ADARB2: variants seen among roughly 807,000 people sequenced by gnomAD.
ADARB2 encodes the protein inactive double-stranded RNA-specific editase B2.
A neutral mutation model predicts 62.2 loss-of-function variants in ADARB2; 25 were observed. The ratio of observed to expected loss-of-function variants is 0.40; its 90% CI spans 0.29 to 0.56. The LOEUF (loss-of-function observed/expected upper bound fraction) is 0.56, where lower values mean the gene tolerates loss of function less well. Among genes scored for constraint, ADARB2 ranks in the 20% least tolerant of loss-of-function variants. The pLI, the probability that ADARB2 is intolerant of heterozygous loss-of-function variation, is 0.43. For synonymous variants in ADARB2, 572 were observed against 500.8 expected, an observed-to-expected ratio of 1.14 and a Z score of -1.90; for missense variants, 1,071 against 1,077.4, an observed-to-expected ratio of 0.99 and a Z score of 0.08.
chr10:1,601,037 G>A (rs1330155462), intron 1 of ADARB2, among the ~76,000 whole-genome samples: 1 of 152,216 alleles, frequency 6.6e-6, no homozygotes, highest in Non-Finnish European at 1.5e-5. Flanking sequence ...TAATTCATGA[G>A]AGGAAGTGAG....
At chr10:1,369,738 G>T (rs941420344) in intron 2 of ADARB2, among the ~76,000 whole-genome samples, 2 of 152,220 alleles carry the variant, frequency 1.3e-5, no homozygotes, top group African/African-American at 2.4e-5. Flanking sequence ...TTCCGAGAGG[G>T]TGGGCATGGC....
chr10:1,242,535 G>C (rs1408219820), intron 4 of ADARB2, among the ~76,000 whole-genome samples: 2 of 152,218 alleles, frequency 1.3e-5, no homozygotes, highest in Non-Finnish European at 2.9e-5. Context: ...GAGTGCCTCT[G>C]CTATCCTTAA....
chr10:1,613,806 C>T (rs1024609953), intron 1 of ADARB2, among the ~76,000 whole-genome samples: 2 of 152,298 alleles, frequency 1.3e-5, no homozygotes, highest in Admixed American at 1.3e-4. Flanking sequence ...GCCGAAAGCC[C>T]GCAGCTCTGC....
chr10:1,266,648 C>A (rs963790530), intron 4 of ADARB2, among the ~76,000 whole-genome samples: 1 of 152,174 alleles, frequency 6.6e-6, no homozygotes, highest in Non-Finnish European at 1.5e-5. Context: ...CAGGCCAACG[C>A]CTACAATACC....
intron 1 of ADARB2, among the ~76,000 whole-genome samples, chr10:1,673,004 G>A (rs575924311): frequency 1.3e-5 from 2 of 152,270 alleles, no homozygotes; most frequent in Admixed American, 6.5e-5. Context: ...CCAACAGCCC[G>A]GAGGGGACCA....
intron 1 of ADARB2, among the ~76,000 whole-genome samples, chr10:1,442,740 G>A (rs754385946): frequency 2.6e-5 from 4 of 152,164 alleles, no homozygotes; most frequent in Non-Finnish European, 5.9e-5. Context: ...AGATAGAAAA[G>A]TTCAGTTTAA....
chr10:1,190,278 TG>T (rs1836824721), intron 8 of ADARB2, among the ~76,000 whole-genome samples: 1 of 151,648 alleles, frequency 6.6e-6, no homozygotes, highest in Non-Finnish European at 1.5e-5. Context: ...CTTCTCACTC[TG>T]CAGGCCGCCC....
intron 1 of ADARB2, among the ~76,000 whole-genome samples, chr10:1,681,400 T>C (rs1175639466): frequency 1.3e-5 from 2 of 152,152 alleles, no homozygotes; most frequent in Non-Finnish European, 2.9e-5. Flanking sequence ...AAGAAAATAT[T>C]GTTAGGCCTG....
In ADARB2 at chr10:1,602,174, A is replaced by T. The variant is rs549021067; in HGVS notation, c.100+134877T>A. ...GGGTTCTGCTGACTCCACACGGGGGACTGACTCCCAGAGACCCTGATGTGG... is the reference window on the plus strand; with the variant it reads ...GGGTTCTGCTGACTCCACACGGGGGTCTGACTCCCAGAGACCCTGATGTGG... On this transcript the variant is annotated intron_variant, in intron 1 of 9. Coordinates refer to ENST00000381312, the MANE Select transcript of ADARB2 (RefSeq NM_018702.4). Among the ~76,000 whole-genome samples, 6 of 152,120 alleles carry T rather than the reference A, an allele frequency of 3.9e-5. No homozygotes were observed. In the South Asian group the frequency reaches 1.3e-3, roughly 32 times the overall value.
chr10:1,194,995 T>G (rs1480984873), intron 8 of ADARB2, among the ~76,000 whole-genome samples: 3 of 152,354 alleles, frequency 2.0e-5, no homozygotes, highest in African/African-American at 7.2e-5. Flanking sequence ...ACCATCTTAA[T>G]TTAAGTCAGG....
chr10:1,218,981 T>C (rs4880794), intron 6 of ADARB2, among the ~76,000 whole-genome samples: 148,350 of 150,136 alleles, frequency 0.99, 73,310 homozygotes, highest in Middle Eastern at 1. Flanking sequence ...ACCCAGGAGG[T>C]GGAGCTTGCA....
chr10:1,695,567 A>G (rs1479593678), intron 1 of ADARB2, among the ~76,000 whole-genome samples: 1 of 152,234 alleles, frequency 6.6e-6, no homozygotes, highest in Non-Finnish European at 1.5e-5. Context: ...GCAGGAGCAA[A>G]GATCCATGTG....
intron 5 of ADARB2, 98 bp from the exon 6 acceptor site, chr10:1,233,943 C>G (rs1830835143): frequency 7.1e-6 from 9 of 1,270,450 alleles, no homozygotes; most frequent in Middle Eastern, 2.2e-4. Flanking sequence ...GAGTTGTTCC[C>G]CAAGTTTTCC....
At chr10:1,662,470 AG>A (rs763105255) in intron 1 of ADARB2, among the ~76,000 whole-genome samples, 1 of 152,184 alleles carries the variant, frequency 6.6e-6, no homozygotes, top group Non-Finnish European at 1.5e-5. Context: ...CGGCCTTGCA[AG>A]GGTTTTTCAG....
At chr10:1,199,837 G>T in intron 8 of ADARB2, 129 bp downstream of exon 8, 1 of 971,294 alleles carries the variant, frequency 1.0e-6, no homozygotes, top group Non-Finnish European at 1.5e-6. Flanking sequence ...GTAGGACTTT[G>T]CCCATTAAAT....
chr10:1,446,868 G>C (rs1282504729), intron 1 of ADARB2, among the ~76,000 whole-genome samples: 2 of 152,114 alleles, frequency 1.3e-5, no homozygotes, highest in African/African-American at 4.8e-5. Context: ...GCCTGACTTA[G>C]GCCCCGGGAG....
At chr10:1,194,768 C>T (rs1045441769) in intron 8 of ADARB2, among the ~76,000 whole-genome samples, 2 of 152,128 alleles carry the variant, frequency 1.3e-5, no homozygotes, top group East Asian at 3.8e-4. Flanking sequence ...TCATCTCTCC[C>T]CCTAAGTGTT....
At chr10:1,378,875 A>G (rs1832457434) in intron 2 of ADARB2, among the ~76,000 whole-genome samples, 199 bp downstream of exon 2, 1 of 152,126 alleles carries the variant, frequency 6.6e-6, no homozygotes, top group African/African-American at 2.4e-5. Flanking sequence ...CCAGCTGAGG[A>G]CAGAATTGCA....
chr10:1,685,770 C>T (rs1231020394), intron 1 of ADARB2, among the ~76,000 whole-genome samples: 1 of 152,206 alleles, frequency 6.6e-6, no homozygotes, highest in Admixed American at 6.5e-5. Flanking sequence ...CCAGACCTCT[C>T]CTGGCTGGAA....
Sources: gnomAD v4.1 joint callset for allele counts (sites outside exome capture counted in the v4.1 genomes callset) on GRCh38, gnomAD v4.1.1 for gene constraint, MANE v1.5 for transcripts, NCBI Gene and HGNC (gene_info 2026-07-23, HGNC 2026-07-21) for gene names.